The following SPINT2 variants were observed in gnomAD, a reference collection of about 807,000 sequenced individuals.
SPINT2 encodes serine peptidase inhibitor, Kunitz type 2.
Under a neutral mutation model 30.1 loss-of-function variants are expected in SPINT2, and 18 were observed. The ratio of observed to expected loss-of-function variants is 0.60; its 90% CI spans 0.41 to 0.89. The LOEUF is 0.89. Among genes scored for constraint, SPINT2 ranks in the 40% least tolerant of loss-of-function variants. The pLI is 0.00. For synonymous variants in SPINT2, 139 were observed against 137.9 expected, an observed-to-expected ratio of 1.01 and a Z score of -0.05; for missense variants, 276 against 334.3, an observed-to-expected ratio of 0.83 and a Z score of 1.36.
At chr19:38,269,041 C>T (rs1381749426) in intron 1 of SPINT2, among the ~76,000 whole-genome samples, 1 of 152,076 alleles carries the variant, frequency 6.6e-6, no homozygotes, top group East Asian at 1.9e-4. Flanking sequence ...GGCATCAGAA[C>T]TTGTGTTAAT....
chr19:38,264,967 C>T lies in SPINT2; in HGVS notation c.75C>T (p.Val25=). Residue 25 remains valine, a synonymous_variant, in exon 1 of 7, where the codon GTC becomes GTT. Transcript: ENST00000301244. The part of the protein sequence containing the change: ...ALLGSLLLSG[V]LAADRERSIH... Reference sequence around the variant, plus strand: ...TGGGATCGCTGCTCCTCTCTGGGGTCCTGGCGGCCGACCGAGAACGCAGCA... The same window carrying T: ...TGGGATCGCTGCTCCTCTCTGGGGTTCTGGCGGCCGACCGAGAACGCAGCA... 6.5e-7 allele frequency: 1 copy of T among 1,535,354 alleles called. No individual in the cohort carries two copies. Among genetic ancestry groups the T allele is most frequent in the Non-Finnish European group, 8.7e-7 (1 of 1,145,090 alleles).
At chr19:38,272,766 C>T (rs554663592) in intron 1 of SPINT2, among the ~76,000 whole-genome samples, 54 of 152,318 alleles carry the variant, frequency 3.5e-4, no homozygotes, top group Non-Finnish European at 8.8e-5. Flanking sequence ...CGCCCAGACT[C>T]TGGAGTGCAG....
intron 1 of SPINT2, among the ~76,000 whole-genome samples, chr19:38,273,980 C>A (rs1024697818): frequency 1.3e-5 from 2 of 152,160 alleles, no homozygotes; most frequent in African/African-American, 4.8e-5. Context: ...CCTGTAATCC[C>A]AGCACTTCAG....
chr19:38,267,029 C>T (rs149177435), intron 1 of SPINT2, among the ~76,000 whole-genome samples: 3 of 152,214 alleles, frequency 2.0e-5, no homozygotes, highest in East Asian at 1.9e-4. Context: ...TTGAAACAGC[C>T]GGGTGCGGTG....
intron 1 of SPINT2, among the ~76,000 whole-genome samples, chr19:38,282,983 C>G: frequency 6.6e-6 from 1 of 150,916 alleles, no homozygotes; most frequent in East Asian, 2.0e-4. Context: ...CCAGAAGGGT[C>G]TTGGAGTCAG....
chr19:38,270,847 T>C (rs1019578843), intron 1 of SPINT2, among the ~76,000 whole-genome samples: 3 of 152,212 alleles, frequency 2.0e-5, no homozygotes, highest in Admixed American at 6.6e-5. Flanking sequence ...GTGATAAGCC[T>C]GTGGCTCATG....
intron 1 of SPINT2, among the ~76,000 whole-genome samples, chr19:38,273,460 G>T (rs898246692): frequency 6.6e-6 from 1 of 152,132 alleles, no homozygotes; most frequent in Non-Finnish European, 1.5e-5. Context: ...CGGCCTCCCA[G>T]AGTGCTGGGC....
chr19:38,267,348 G>T (rs1160726180), intron 1 of SPINT2, among the ~76,000 whole-genome samples: 1 of 152,220 alleles, frequency 6.6e-6, no homozygotes, highest in Non-Finnish European at 1.5e-5. Context: ...GTGTGGTGTT[G>T]CTGAAGCTCC....
intron 1 of SPINT2, among the ~76,000 whole-genome samples, chr19:38,280,336 C>T (rs893754994): frequency 3.3e-5 from 5 of 152,184 alleles, no homozygotes; most frequent in African/African-American, 1.2e-4. Context: ...ATACAGTAAA[C>T]TAACTTTATT....
At position 38,286,596 on chromosome 19, in the gene SPINT2, C is replaced by T. The variant is rs1379801556; in HGVS notation, c.278-1280C>T. On this transcript the variant is annotated intron_variant, in intron 2 of 6. Coordinates refer to ENST00000301244, the MANE Select transcript of SPINT2 (RefSeq NM_021102.4). ...GAGATCGAGACCATCCTGGCTAACA[C>T]GGTGAAACTCCGTCTCTACTCAAAA... is the stretch of plus-strand genomic sequence containing the variant. Among the ~76,000 whole-genome samples the T allele has an allele frequency of 5.9e-5, 9 of 152,014 alleles. No individual in the cohort carries two copies. The South Asian group carries it at 6.2e-4, about 11-fold the overall frequency.
At chr19:38,287,444 A>T (rs564302459) in intron 2 of SPINT2, among the ~76,000 whole-genome samples, 12 of 152,068 alleles carry the variant, frequency 7.9e-5, no homozygotes, top group African/African-American at 2.7e-4. Context: ...CGATCTGCCC[A>T]CCCTGGCCTC....
At chr19:38,280,704 C>T (rs1245642632) in intron 1 of SPINT2, among the ~76,000 whole-genome samples, 3 of 150,968 alleles carry the variant, frequency 2.0e-5, no homozygotes, top group Non-Finnish European at 4.4e-5. Context: ...ACGAAGTTAC[C>T]GAATTCCTGC....
chr19:38,280,278 A>G (rs185552393), intron 1 of SPINT2, among the ~76,000 whole-genome samples: 2 of 152,272 alleles, frequency 1.3e-5, no homozygotes, highest in African/African-American at 4.8e-5. Flanking sequence ...TACTGTGAGC[A>G]TTTGGCCTGC....
At chr19:38,279,530 A>G (rs772815733) in intron 1 of SPINT2, among the ~76,000 whole-genome samples, 2 of 151,842 alleles carry the variant, frequency 1.3e-5, no homozygotes, top group Non-Finnish European at 2.9e-5. Context: ...TTTCAAGTAT[A>G]TACAAAGCAG....
intron 1 of SPINT2, among the ~76,000 whole-genome samples, chr19:38,277,008 G>A (rs968596338): frequency 6.6e-6 from 1 of 151,818 alleles, no homozygotes; most frequent in Admixed American, 6.6e-5. Flanking sequence ...CACCATATTG[G>A]CCAGGCTGGT....
chr19:38,270,390 G>A (rs1245380682), intron 1 of SPINT2, among the ~76,000 whole-genome samples: 1 of 152,116 alleles, frequency 6.6e-6, no homozygotes, highest in East Asian at 1.9e-4. Context: ...TGTTTATTGA[G>A]CACCCACCAA....
rs767798223 is a variant in SPINT2, at chr19:38,290,612, G to A, written c.592+37G>A. On this transcript the variant is annotated intron_variant, in intron 6 of 6. Transcript: ENST00000301244. This position sits in a 1 kb window ranked among gnomAD's most constrained non-coding sequence, Gnocchi z 4.3. ...CTTACCCTCCTCCTGCCATCAGCCT[G>A]CCTCCTCCCTTCCTTGACTGAGCTC... The A allele has an allele frequency of 1.2e-6, 2 of 1,609,694 alleles. No individual in the cohort carries two copies. Among genetic ancestry groups the A allele is most frequent in the Non-Finnish European group, 1.7e-6 (2 of 1,178,184 alleles).
At chr19:38,280,973 C>T (rs1009138658) in intron 1 of SPINT2, among the ~76,000 whole-genome samples, 4 of 152,168 alleles carry the variant, frequency 2.6e-5, no homozygotes, top group Non-Finnish European at 4.4e-5. Flanking sequence ...TGTGGCAGGG[C>T]GGCGGAGAGG....
chr19:38,288,395 G>A (rs1237825412), intron 3 of SPINT2: 12 of 298,822 alleles, frequency 4.0e-5, no homozygotes, highest in Non-Finnish European at 7.9e-5. Context: ...CGCCACTGCA[G>A]CTTGTGATCT....
Sources: gnomAD v4.1 joint callset for allele counts (sites outside exome capture counted in the v4.1 genomes callset) on GRCh38, gnomAD v4.1.1 for gene constraint, Gnocchi (gnomAD v3.1) non-coding constraint, MANE v1.5 for transcripts, NCBI Gene and HGNC (gene_info 2026-07-23, HGNC 2026-07-21) for gene names.